Variants in HMCN2 observed in about 807,000 individuals in gnomAD.
HMCN2 encodes hemicentin 2.
Under a neutral mutation model 377.5 loss-of-function variants are expected in HMCN2, and 325 were observed. The observed-to-expected ratio is 0.86, with a 90% CI of 0.79 to 0.94. The LOEUF is 0.94. Among genes scored for constraint, HMCN2 ranks in the 40% least tolerant of loss-of-function variants. The pLI, the probability that HMCN2 is intolerant of heterozygous loss-of-function variation, is 0.00. For missense variants in HMCN2, 4,543 were observed against 4,725.3 expected (o/e 0.96, Z 1.13); for synonymous variants, 2,007 against 2,046.8 (o/e 0.98, Z 0.53).
chr9:130,386,664 T>C (rs1156799619), intron 61 of HMCN2, 140 bp downstream of exon 61: 3 of 379,626 alleles, frequency 7.9e-6, no homozygotes, highest in Non-Finnish European at 1.4e-5. Context: ...TTTGTGTACC[T>C]ATCTATATCT....
At chr9:130,323,525 A>G (rs1457639589) in intron 19 of HMCN2, among the ~76,000 whole-genome samples, 6 of 152,208 alleles carry the variant, frequency 3.9e-5, no homozygotes, top group African/African-American at 1.4e-4. Context: ...ATCAGGGAAT[A>G]TGGGTACCAA....
At chr9:130,290,106 C>A (rs1835673068) in intron 4 of HMCN2, among the ~76,000 whole-genome samples, 1 of 152,188 alleles carries the variant, frequency 6.6e-6, no homozygotes, top group African/African-American at 2.4e-5. Context: ...CTCGCTGGTC[C>A]CCCAGCCCCT....
intron 83 of HMCN2, 70 bp from the exon 84 acceptor site, chr9:130,408,673 G>T: frequency 8.6e-7 from 1 of 1,156,634 alleles, no homozygotes; most frequent in Non-Finnish European, 1.1e-6. Flanking sequence ...GCAGTCCTTT[G>T]GGGTTTATGG....
intron 6 of HMCN2, among the ~76,000 whole-genome samples, 182 bp from the exon 7 acceptor site, chr9:130,296,492 G>C (rs7847121): frequency 0.35 from 53,053 of 152,080 alleles, 11,235 homozygotes; most frequent in African/African-American, 0.61. Flanking sequence ...TGGGGCTTCA[G>C]CTCCTTCATT....
chr9:130,425,053 G>T lies in HMCN2; in HGVS notation c.13564G>T (p.Asp4522Tyr). 1.3e-6 allele frequency: 2 copies of T among 1,549,786 alleles called. No individual in the cohort carries two copies. Among genetic ancestry groups the T allele is most frequent in the South Asian group, 2.4e-5 (2 of 83,992 alleles). Reference sequence around the variant, plus strand: ...CCAGGTGGCCCGGGGTCTGGATCCCGATGGCCTCCTGCTCCTCGACGTGGT... The same window carrying T: ...CCAGGTGGCCCGGGGTCTGGATCCCTATGGCCTCCTGCTCCTCGACGTGGT... ...MTQVARGLDP[D>Y]GLLLLDVVVN... Residue 4522 changes from aspartate (D) to tyrosine (Y), a missense_variant, in exon 89 of 98, where the codon GAT (aspartate) becomes TAT (tyrosine). By Grantham distance (160) the Asp-to-Tyr change is radical. This residue lies in a region of HMCN2 where 1,155 missense variants were observed against 1,157.7 expected (regional missense o/e 1.00). Transcript: ENST00000683500.
intron 85 of HMCN2, among the ~76,000 whole-genome samples, chr9:130,411,950 TGTA>T (rs386738899): frequency 7.4e-5 from 9 of 120,896 alleles, no homozygotes; most frequent in South Asian, 2.8e-4. Flanking sequence ...TTTTATGTAA[TGTA>T]TTTTTTTTAC....
At chr9:130,401,739 G>C (rs11244177) in intron 77 of HMCN2, among the ~76,000 whole-genome samples, 31,257 of 152,120 alleles carry the variant, frequency 0.21, 3,566 homozygotes, top group East Asian at 0.37. Flanking sequence ...CTAGGAACCA[G>C]TGGCCAAACC....
chr9:130,389,606 G>A (rs1046115448), intron 62 of HMCN2, among the ~76,000 whole-genome samples: 4 of 150,272 alleles, frequency 2.7e-5, no homozygotes, highest in African/African-American at 4.9e-5. Context: ...ACGGGGTCTC[G>A]CTCTGTTACC....
chr9:130,397,881 C>T (rs555462996), intron 74 of HMCN2, among the ~76,000 whole-genome samples: 1 of 152,020 alleles, frequency 6.6e-6, no homozygotes, highest in South Asian at 2.1e-4. Context: ...AGTAAGAAAC[C>T]ATGTACAAAA....
chr9:130,285,711 C>T (rs925905368), intron 3 of HMCN2, among the ~76,000 whole-genome samples: 2 of 152,166 alleles, frequency 1.3e-5, no homozygotes, highest in African/African-American at 4.8e-5. Flanking sequence ...GGATCCCTTG[C>T]TTCTGGCTTT....
intron 56 of HMCN2, 95 bp from the exon 57 acceptor site, chr9:130,383,409 C>A: frequency 2.1e-6 from 1 of 468,228 alleles, no homozygotes; most frequent in Non-Finnish European, 2.8e-6. Flanking sequence ...GCTTCCCTGG[C>A]ATGGGATGGG....
Position 130,349,132 on chromosome 9 carries a change from G to C in HMCN2, c.4303+1G>C, listed in dbSNP as rs544868801. The C allele has an allele frequency of 7.7e-7, 1 of 1,303,862 alleles. No individual in the cohort carries two copies. The highest frequency in any genetic ancestry group is 1.5e-5 in the African/African-American group (1 of 65,980). 80.8% of individuals were successfully genotyped at this position (1,303,862 alleles called of 1,614,324 possible). On this transcript the variant is annotated splice_donor_variant, in intron 28 of 97. Transcript: ENST00000683500. LOFTEE classifies it high-confidence loss of function. ...AGGGACTTCCATCTCCTTGTGCTCA[G>C]TGAGTGAGACCTGAGCCCTGTAACT...
chr9:130,400,743 T>C (rs773598486), intron 76 of HMCN2, 40 bp from the exon 77 acceptor site: 1 of 1,256,962 alleles, frequency 8.0e-7, no homozygotes, highest in South Asian at 1.3e-5. Flanking sequence ...GAGTGCCCTG[T>C]GCCCGCCGGC....
chr9:130,371,650 G>T (rs1841026804), intron 46 of HMCN2, among the ~76,000 whole-genome samples: 1 of 152,222 alleles, frequency 6.6e-6, no homozygotes, highest in African/African-American at 2.4e-5. Context: ...CCCATTGGTT[G>T]TTCCACGCAG....
rs1837738603 is a variant in HMCN2 at position 130,319,571 on chromosome 9, A to G, written c.2427A>G (p.Ala809=). 1 of 152,146 alleles carries G rather than the reference A, an allele frequency of 6.6e-6. No homozygotes were observed. The highest frequency in any genetic ancestry group is 1.5e-5 in the Non-Finnish European group (1 of 68,046). The allele number at this position is 152,146 out of a possible 1,614,324, so 9.4% of individuals were successfully genotyped here. Residue 809 remains alanine (A), a synonymous_variant, in exon 16 of 98, where the codon GCA becomes GCG. Transcript: ENST00000683500. The stretch of plus-strand genomic sequence containing the variant: ...GGAGTGCCCTCTTGGCATGCCGGGC[A>G]ACAGGCCGCCCGCCCCCGACGGTCA... The part of the protein sequence containing the change: ...LGRSALLACR[A]TGRPPPTVTW...
chr9:130,425,493 C>A (rs949577916), intron 89 of HMCN2, among the ~76,000 whole-genome samples, 194 bp from the exon 90 acceptor site: 3 of 151,842 alleles, frequency 2.0e-5, no homozygotes, highest in African/African-American at 7.3e-5. Context: ...CCCATCTCTT[C>A]CCAAGGCTCA....
chr9:130,348,163 G>T (rs1235433435), intron 26 of HMCN2: 10 of 525,910 alleles, frequency 1.9e-5, no homozygotes, highest in Non-Finnish European at 2.4e-5. Flanking sequence ...GCCCTGTAAT[G>T]ACTTGCTCAA....
intron 1 of HMCN2, among the ~76,000 whole-genome samples, chr9:130,269,837 G>A (rs782241628): frequency 7.5e-5 from 11 of 146,862 alleles, no homozygotes; most frequent in Admixed American, 6.1e-4. Flanking sequence ...TTGAGATGGA[G>A]TCTCGCTCTG....
rs978663003 is a variant in HMCN2, at chr9:130,398,683, TC to T, written c.11461del (p.Arg3821AlafsTer32). On this transcript the variant is annotated frameshift_variant, in exon 75 of 98. Coordinates refer to ENST00000683500, the MANE Select transcript of HMCN2 (RefSeq NM_001291815.2). LOFTEE classifies it high-confidence loss of function. Reference sequence around the variant, plus strand: ...TGGAAGGACGGACAGAAGCTGGACTTCCGCCTGCAGCAGGGCGCCTACCGGT... The same window carrying T: ...TGGAAGGACGGACAGAAGCTGGACTTCGCCTGCAGCAGGGCGCCTACCGGT... Reference protein sequence around the residue: ...VWWKDGQKLDFRLQQGAYRLL... With the variant: ...VWWKDGQKLDXRLQQGAYRLL... The T allele has an allele frequency of 1.0e-5, 13 of 1,289,370 alleles. No individual in the cohort carries two copies. The highest frequency in any genetic ancestry group is 1.5e-5 in the African/African-American group (1 of 65,850). The allele number at this position is 1,289,370 out of a possible 1,614,324, so 79.9% of individuals were successfully genotyped here. A position where few individuals can be genotyped will look rare whatever the true frequency, so the allele number is the denominator to read the frequency against.
Sources: allele counts gnomAD v4.1 joint callset (sites outside exome capture counted in the v4.1 genomes callset), GRCh38; gene constraint gnomAD v4.1.1; regional missense constraint gnomAD v4.1.1; transcripts MANE v1.5; gene names NCBI Gene and HGNC (gene_info 2026-07-23, HGNC 2026-07-21).